EMB: variants seen among roughly 807,000 people sequenced by gnomAD.
EMB encodes the protein embigin, also known as embigin homolog.
EMB carries 31 observed loss-of-function variants against 41.4 expected under a neutral mutation model. That is an observed-to-expected ratio of 0.75 (90% CI 0.56 to 1.01). The LOEUF (loss-of-function observed/expected upper bound fraction) is 1.01, where lower values mean the gene tolerates loss of function less well. EMB is among the 50% of genes least tolerant of loss of function. The pLI, the probability that EMB is intolerant of heterozygous loss-of-function variation, is 0.00. For synonymous variants in EMB, 137 were observed against 140.4 expected (o/e 0.98, Z 0.17); for missense variants, 379 against 388.3 (o/e 0.98, Z 0.20).
intron 3 of EMB, 45 bp downstream of exon 3, chr5:50,411,152 A>C (rs1259489618): frequency 6.7e-7 from 1 of 1,500,550 alleles, no homozygotes; most frequent in South Asian, 1.3e-5. Flanking sequence ...ATTTAGAATT[A>C]AGCTACTTTT....
At chr5:50,441,361 G>A (rs542796043), upstream of EMB, 153 of 369,768 alleles carry the variant, frequency 4.1e-4, no homozygotes, top group African/African-American at 2.3e-3. Context: ...CCCTCCATCA[G>A]TTATGCAGCC....
intron 2 of EMB, among the ~76,000 whole-genome samples, chr5:50,426,898 GAA>G (rs60515065): frequency 0.013 from 1,408 of 105,634 alleles, 24 homozygotes; most frequent in African/African-American, 0.04. Flanking sequence ...CAGTAAAAAA[GAA>G]AAAAAAAAAA....
chr5:50,440,304 C>A (rs1201643611), intron 1 of EMB, among the ~76,000 whole-genome samples: 1 of 151,996 alleles, frequency 6.6e-6, no homozygotes, highest in African/African-American at 2.4e-5. Flanking sequence ...GAGGCCGAAG[C>A]GGGCGGATCA....
intron 7 of EMB, among the ~76,000 whole-genome samples, chr5:50,401,557 T>C (rs575068686): frequency 6.6e-6 from 1 of 152,124 alleles, no homozygotes; most frequent in East Asian, 1.9e-4. Flanking sequence ...CCTCTGTCAC[T>C]GGCCTCCATA....
chr5:50,426,561 A>C (rs186787679), intron 2 of EMB, among the ~76,000 whole-genome samples: 1 of 152,308 alleles, frequency 6.6e-6, no homozygotes, highest in East Asian at 1.9e-4. Context: ...CAAAATTTAC[A>C]ATTAACGTAT....
chr5:50,440,533 C>CAAAAA (rs70972912), intron 1 of EMB, among the ~76,000 whole-genome samples: 14 of 60,054 alleles, frequency 2.3e-4, no homozygotes, highest in African/African-American at 8.9e-4. Context: ...AACTCCGTCT[C>CAAAAA]AAAAAAAAAA....
intron 7 of EMB, among the ~76,000 whole-genome samples, chr5:50,401,966 T>C (rs561686232): frequency 3.3e-5 from 5 of 152,090 alleles, no homozygotes; most frequent in Admixed American, 2.6e-4. Context: ...ACTGCACACC[T>C]TCTGTGCACC....
intron 2 of EMB, among the ~76,000 whole-genome samples, chr5:50,419,256 A>G (rs1745476436): frequency 6.6e-6 from 1 of 152,104 alleles, no homozygotes; most frequent in Non-Finnish European, 1.5e-5. Context: ...AATCAAAATC[A>G]TCTCAAGCCA....
At chr5:50,428,035 C>G (rs941958804) in intron 2 of EMB, 109 bp downstream of exon 2, 1 of 705,464 alleles carries the variant, frequency 1.4e-6, no homozygotes, top group African/African-American at 1.8e-5. Flanking sequence ...CCCACCAGGC[C>G]AGGAACAGGG....
At chr5:50,425,737 G>GCTCTGT (rs1192948186) in intron 2 of EMB, among the ~76,000 whole-genome samples, 2,143 of 147,782 alleles carry the variant, frequency 0.015, 75 homozygotes, top group African/African-American at 0.052. Context: ...ATGGACTCTT[G>GCTCTGT]CAGTGGCACA....
At chr5:50,404,617 C>T (rs1216402025) in intron 5 of EMB, among the ~76,000 whole-genome samples, 1 of 151,902 alleles carries the variant, frequency 6.6e-6, no homozygotes, top group Non-Finnish European at 1.5e-5. Context: ...ATGTTTTTCA[C>T]ATATTGTTGT....
At chr5:50,443,284 A>T, upstream of EMB, 1 of 152,194 alleles carries the variant, frequency 6.6e-6, no homozygotes. Context: ...GCAGAGGCAC[A>T]TTCACGGCTC....
chr5:50,408,737 T>C (rs560073968), intron 4 of EMB, among the ~76,000 whole-genome samples: 114 of 152,170 alleles, frequency 7.5e-4, no homozygotes, highest in African/African-American at 2.6e-3. Context: ...GTAAACCATA[T>C]GGAGAAATAA....
chr5:50,407,494 A>G (rs890721620), intron 4 of EMB, among the ~76,000 whole-genome samples: 2 of 152,054 alleles, frequency 1.3e-5, no homozygotes, highest in African/African-American at 4.8e-5. Context: ...GGAAAAGCTG[A>G]AACCAAAATT....
chr5:50,412,883 C>CTT (rs34136923), intron 2 of EMB, among the ~76,000 whole-genome samples: 41 of 132,156 alleles, frequency 3.1e-4, no homozygotes, highest in Middle Eastern at 4.0e-3. Context: ...TAAGTACAAG[C>CTT]TTTTTTTTTT....
upstream of EMB, among the ~76,000 whole-genome samples, chr5:50,441,677 C>G (rs2111887454): frequency 6.6e-6 from 1 of 152,302 alleles, no homozygotes; most frequent in South Asian, 2.1e-4. Context: ...AAGGTTTTAT[C>G]CAGCTGCCAG....
At chr5:50,426,115 C>G (rs1000901049) in intron 2 of EMB, among the ~76,000 whole-genome samples, 1 of 152,228 alleles carries the variant, frequency 6.6e-6, no homozygotes. Flanking sequence ...TTTAATAATG[C>G]TGTTAAAAGA....
chr5:50,423,925 C>T (rs1745567349), intron 2 of EMB, among the ~76,000 whole-genome samples: 1 of 152,120 alleles, frequency 6.6e-6, no homozygotes, highest in Admixed American at 6.6e-5. Flanking sequence ...AAGAAATAAG[C>T]CAACTTGTCA....
chr5:50,402,171 T>A, intron 7 of EMB, 115 bp downstream of exon 7: 2 of 1,082,770 alleles, frequency 1.8e-6, no homozygotes, highest in South Asian at 2.6e-5. Context: ...CACGTGGACA[T>A]ATACAGAAAA....
Sources: allele counts gnomAD v4.1 joint callset (sites outside exome capture counted in the v4.1 genomes callset), GRCh38; gene constraint gnomAD v4.1.1; transcripts MANE v1.5; gene names NCBI Gene and HGNC (gene_info 2026-07-23, HGNC 2026-07-21).